Variants in CDC42BPA observed in about 807,000 individuals in gnomAD.
CDC42BPA encodes CDC42 binding protein kinase alpha.
A neutral mutation model predicts 223.5 loss-of-function variants in CDC42BPA; 80 were observed. That is an observed-to-expected ratio of 0.36 (90% CI 0.30 to 0.43). The LOEUF is 0.43. Among genes scored for constraint, CDC42BPA ranks in the 20% least tolerant of loss-of-function variants. CDC42BPA has a pLI of 1.00. For synonymous variants in CDC42BPA, 694 were observed against 718.6 expected (o/e 0.97, Z 0.55); for missense variants, 1,743 against 2,099.9 (o/e 0.83, Z 3.32).
chr1:227,176,590 T>A (rs1230285329), intron 5 of CDC42BPA, among the ~76,000 whole-genome samples: 1 of 151,750 alleles, frequency 6.6e-6, no homozygotes, highest in African/African-American at 2.4e-5. Context: ...TCCTTTTAAC[T>A]TTTTTCTGCT....
chr1:227,217,372 G>A (rs1223578518), intron 2 of CDC42BPA, among the ~76,000 whole-genome samples: 1 of 151,762 alleles, frequency 6.6e-6, no homozygotes, highest in African/African-American at 2.4e-5. Context: ...GCTTGAACCC[G>A]GGAGACGGAG....
chr1:227,035,630 G>C, intron 24 of CDC42BPA, 23 bp from the exon 25 acceptor site: 1 of 1,547,862 alleles, frequency 6.5e-7, no homozygotes, highest in Non-Finnish European at 8.7e-7. Flanking sequence ...AAAAAGAAAC[G>C]TTTGATAAAA....
chr1:227,152,279 T>C (rs777622370), intron 6 of CDC42BPA, among the ~76,000 whole-genome samples: 1 of 152,206 alleles, frequency 6.6e-6, no homozygotes, highest in Non-Finnish European at 1.5e-5. Flanking sequence ...TTTTGTGTCA[T>C]CCCCAAGAAA....
At chr1:227,215,002 G>C (rs1478615055) in intron 2 of CDC42BPA, among the ~76,000 whole-genome samples, 1 of 152,180 alleles carries the variant, frequency 6.6e-6, no homozygotes, top group South Asian at 2.1e-4. Context: ...AGTGACATCA[G>C]GCTATTAATA....
intron 10 of CDC42BPA, among the ~76,000 whole-genome samples, chr1:227,133,973 G>GAATAAATAAATAAATAAATAAATAAATA (rs71179195): frequency 2.7e-5 from 4 of 146,288 alleles, no homozygotes; most frequent in Admixed American, 6.8e-5. Context: ...AAAAATAAAT[G>GAATAAATAAATAAATAAATAAATAAATA]AATAAATAAA....
At chr1:227,291,148 C>G (rs1190970220) in intron 1 of CDC42BPA, among the ~76,000 whole-genome samples, 6 of 152,236 alleles carry the variant, frequency 3.9e-5, no homozygotes, top group African/African-American at 1.4e-4. Flanking sequence ...CTAGGTGCTT[C>G]CATGAAATAA....
intron 6 of CDC42BPA, 21 bp from the exon 7 acceptor site, chr1:227,147,580 A>G (rs1660910129): frequency 1.5e-6 from 2 of 1,372,614 alleles, no homozygotes; most frequent in South Asian, 2.7e-5. Context: ...TTACATTTTT[A>G]TTAATCTCCT....
At position 227,271,337 on chromosome 1, in the gene CDC42BPA, T is replaced by C. The variant is rs140874484; in HGVS notation, c.179-17182A>G. On this transcript the variant is annotated intron_variant, in intron 1 of 36. Coordinates refer to ENST00000366766, the MANE Select transcript of CDC42BPA (RefSeq NM_001394014.1). Reference sequence around the variant, plus strand: ...TAGAGAAAATCTGTGAGTGAGAAATTTAGGTAGCAGTCTTTTGTGCACAGT... The same window carrying C: ...TAGAGAAAATCTGTGAGTGAGAAATCTAGGTAGCAGTCTTTTGTGCACAGT... Among the ~76,000 whole-genome samples, 641 of 152,160 alleles carry C rather than the reference T, an allele frequency of 4.2e-3. 6 individuals are homozygous for C. Among genetic ancestry groups the C allele is most frequent in the Non-Finnish European group, 4.2e-3 (285 of 67,960 alleles).
chr1:227,108,326 T>G (rs1312062088), intron 14 of CDC42BPA, among the ~76,000 whole-genome samples: 1 of 152,192 alleles, frequency 6.6e-6, no homozygotes. Context: ...ACGTATTTTC[T>G]AATTTCCCTG....
At chr1:227,088,709 A>G (rs1395085985) in intron 16 of CDC42BPA, among the ~76,000 whole-genome samples, 2 of 152,174 alleles carry the variant, frequency 1.3e-5, no homozygotes, top group African/African-American at 4.8e-5. Flanking sequence ...CCAGATGGCT[A>G]ATTATATTTG....
intron 23 of CDC42BPA, among the ~76,000 whole-genome samples, chr1:227,047,396 C>T (rs1294444821): frequency 2.0e-5 from 3 of 151,644 alleles, no homozygotes; most frequent in Non-Finnish European, 2.9e-5. Context: ...GTCTATTGAC[C>T]TCTCTCTCTC....
intron 1 of CDC42BPA, among the ~76,000 whole-genome samples, chr1:227,307,347 A>C (rs1414444664): frequency 6.6e-6 from 1 of 152,196 alleles, no homozygotes; most frequent in Admixed American, 6.5e-5. Flanking sequence ...ATAAATTGTG[A>C]CAATTTATGT....
intron 10 of CDC42BPA, among the ~76,000 whole-genome samples, chr1:227,136,248 T>C (rs1658546990): frequency 6.6e-6 from 1 of 151,992 alleles, no homozygotes; most frequent in African/African-American, 2.4e-5. Context: ...ATATCTGAAA[T>C]TAAGACTAAT....
chr1:227,163,554 C>A (rs2149836548), intron 5 of CDC42BPA, among the ~76,000 whole-genome samples: 1 of 151,976 alleles, frequency 6.6e-6, no homozygotes, highest in East Asian at 1.9e-4. Context: ...TTACATTCCT[C>A]TTCTATAAAA....
intron 23 of CDC42BPA, among the ~76,000 whole-genome samples, chr1:227,041,023 T>C (rs1290695175): frequency 6.6e-6 from 1 of 152,216 alleles, no homozygotes; most frequent in African/African-American, 2.4e-5. Context: ...TTCCTCTCTG[T>C]CTCACTTTCC....
At chr1:227,111,435 G>A (rs543999524) in intron 14 of CDC42BPA, among the ~76,000 whole-genome samples, 3 of 152,192 alleles carry the variant, frequency 2.0e-5, no homozygotes, top group Non-Finnish European at 2.9e-5. Context: ...GTATGTACTC[G>A]TGACATGAAA....
chr1:227,079,839 CAAAAG>C (rs1422468264), intron 17 of CDC42BPA, among the ~76,000 whole-genome samples: 7 of 150,652 alleles, frequency 4.6e-5, no homozygotes, highest in Non-Finnish European at 8.9e-5. Context: ...TGCTTGAGAC[CAAAAG>C]TATTTTGGAT....
chr1:227,183,442 T>A (rs555495209), intron 5 of CDC42BPA: 1 of 152,348 alleles, frequency 6.6e-6, no homozygotes, highest in South Asian at 2.1e-4. Context: ...AATGGAAACA[T>A]ACAGTATGTA....
At chr1:227,253,249 A>AGAGAGAGAGC (rs113306770) in intron 2 of CDC42BPA, among the ~76,000 whole-genome samples, 9 of 148,522 alleles carry the variant, frequency 6.1e-5, no homozygotes, top group South Asian at 4.3e-4. Context: ...AAAGAGAGCG[A>AGAGAGAGAGC]GAGAGAGAGC....
Sources: gnomAD v4.1 joint callset for allele counts (sites outside exome capture counted in the v4.1 genomes callset) on GRCh38, gnomAD v4.1.1 for gene constraint, MANE v1.5 for transcripts, NCBI Gene and HGNC (gene_info 2026-07-23, HGNC 2026-07-21) for gene names.